The following BNC2 variants were observed in gnomAD, a reference collection of about 807,000 sequenced individuals.
BNC2 encodes basonuclin zinc finger protein 2.
In BNC2, 20 loss-of-function variants were observed where a neutral mutation model predicts 76.3. The observed-to-expected ratio is 0.26, with a 90% CI of 0.18 to 0.38. The LOEUF is 0.38. Among genes scored for constraint, BNC2 ranks in the 10% least tolerant of loss-of-function variants. BNC2 has a pLI of 1.00. For synonymous variants in BNC2, 582 were observed against 514.8 expected, an observed-to-expected ratio of 1.13 and a Z score of -1.77; for missense variants, 1,382 against 1,399.8, an observed-to-expected ratio of 0.99 and a Z score of 0.20.
At position 16,734,679 on chromosome 9, in the gene BNC2, A is replaced by G. The variant is rs1020649682; in HGVS notation, c.129+3681T>C. Among the ~76,000 whole-genome samples, 130 of 152,348 alleles carry G rather than the reference A, an allele frequency of 8.5e-4. 2 individuals carry two copies. Among genetic ancestry groups the G allele is most frequent in the African/African-American group, 3.0e-3 (126 of 41,588 alleles). ...TTTTTGCCAAAGTATTGTGAGTACT[A>G]TATGGTCCAGTGTTTACACATAAGA... On this transcript the variant is annotated intron_variant, in intron 2 of 6. Transcript: ENST00000380672.
chr9:16,702,891 A>C (rs1052885614), intron 3 of BNC2, among the ~76,000 whole-genome samples: 9 of 152,264 alleles, frequency 5.9e-5, no homozygotes, highest in Non-Finnish European at 1.2e-4. Context: ...GCTAACATGT[A>C]GCAGCATTAG....
Position 16,792,430 on chromosome 9 carries a change from T to C in BNC2, c.4-53945A>G, listed in dbSNP as rs1002185804. Among the ~76,000 whole-genome samples, 4 of 152,164 alleles carry C rather than the reference T, an allele frequency of 2.6e-5. No individual in the cohort carries two copies. The South Asian group carries it at 8.3e-4, about 32-fold the overall frequency. On this transcript the variant is annotated intron_variant, in intron 1 of 6. Coordinates refer to ENST00000380672, the MANE Select transcript of BNC2 (RefSeq NM_017637.6). ...ACAGTCATTGAGAAGGGTATAATATTGACTCCTAGAAGCCAGGCAAACCTG... is the reference window on the plus strand; with the variant it reads ...ACAGTCATTGAGAAGGGTATAATATCGACTCCTAGAAGCCAGGCAAACCTG...
At chr9:16,630,888 C>A (rs984749243) in intron 3 of BNC2, among the ~76,000 whole-genome samples, 1 of 151,852 alleles carries the variant, frequency 6.6e-6, no homozygotes, top group Non-Finnish European at 1.5e-5. Context: ...TACAGGCATG[C>A]GCCACCACGC....
At chr9:16,546,487 G>A (rs1221174977) in intron 5 of BNC2, among the ~76,000 whole-genome samples, 1 of 152,082 alleles carries the variant, frequency 6.6e-6, no homozygotes, top group Non-Finnish European at 1.5e-5. Flanking sequence ...TTGTTTTTAT[G>A]CTCAACTACA....
chr9:16,429,397 A>G lies in BNC2; in HGVS notation c.2639+6158T>C, dbSNP rs923247691. 1.6e-4 allele frequency: 25 copies of G among 152,704 alleles called. 1 individual carries two copies. Among genetic ancestry groups the G allele is most frequent in the African/African-American group, 4.6e-4 (19 of 41,464 alleles). The allele number at this position is 152,704 out of a possible 1,614,324, so 9.5% of individuals were successfully genotyped here. ...GTTTTTTAAAAAGAAAAGATGGGCT[A>G]CAAAAATGAGCATCTCAAATAAATG... On this transcript the variant is annotated intron_variant, in intron 6 of 6. Coordinates refer to ENST00000380672, the MANE Select transcript of BNC2 (RefSeq NM_017637.6).
intron 5 of BNC2, among the ~76,000 whole-genome samples, chr9:16,459,741 T>C (rs959876616): frequency 6.6e-6 from 1 of 152,116 alleles, no homozygotes; most frequent in Non-Finnish European, 1.5e-5. Flanking sequence ...TCCCAATTAA[T>C]CACAAGTTAG....
chr9:16,643,971 G>A (rs1821557876), intron 3 of BNC2, among the ~76,000 whole-genome samples: 1 of 152,118 alleles, frequency 6.6e-6, no homozygotes, highest in Admixed American at 6.5e-5. Context: ...GGTGTGGAAT[G>A]GGGTAGGGCT....
At chr9:16,461,163 A>G (rs1386969958) in intron 5 of BNC2, among the ~76,000 whole-genome samples, 1 of 152,192 alleles carries the variant, frequency 6.6e-6, no homozygotes, top group Non-Finnish European at 1.5e-5. Flanking sequence ...AACAGAATAA[A>G]TTTTCGGAAC....
intron 3 of BNC2, among the ~76,000 whole-genome samples, chr9:16,708,636 A>G (rs1009910383): frequency 2.0e-5 from 3 of 152,150 alleles, no homozygotes; most frequent in Non-Finnish European, 4.4e-5. Context: ...AGCAAGCCAC[A>G]GGAAGGGCGG....
chr9:16,586,154 T>C (rs1375713082), intron 3 of BNC2, among the ~76,000 whole-genome samples: 1 of 152,020 alleles, frequency 6.6e-6, no homozygotes, highest in Non-Finnish European at 1.5e-5. Flanking sequence ...CACATACAGC[T>C]TGGTCTTGTT....
chr9:16,522,971 C>G (rs1002008992), intron 5 of BNC2, among the ~76,000 whole-genome samples: 1 of 152,140 alleles, frequency 6.6e-6, no homozygotes, highest in Non-Finnish European at 1.5e-5. Context: ...AAGCTGGATG[C>G]TCCAAGAGTT....
At chr9:16,687,849 T>C (rs1381676627) in intron 3 of BNC2, among the ~76,000 whole-genome samples, 1 of 152,148 alleles carries the variant, frequency 6.6e-6, no homozygotes, top group Non-Finnish European at 1.5e-5. Context: ...TAAAATTACA[T>C]GCAATTACAA....
At chr9:16,675,133 A>C (rs955304754) in intron 3 of BNC2, among the ~76,000 whole-genome samples, 1 of 152,214 alleles carries the variant, frequency 6.6e-6, no homozygotes, top group African/African-American at 2.4e-5. Context: ...ACAATGCCTA[A>C]AAATGTAGCC....
At chr9:16,807,346 A>T (rs1158223860) in intron 1 of BNC2, among the ~76,000 whole-genome samples, 1 of 152,260 alleles carries the variant, frequency 6.6e-6, no homozygotes, top group Admixed American at 6.5e-5. Context: ...TTTATAGGAC[A>T]GAAACTATCA....
intron 3 of BNC2, among the ~76,000 whole-genome samples, chr9:16,722,921 T>A (rs1824201789): frequency 6.6e-6 from 1 of 152,308 alleles, no homozygotes; most frequent in Admixed American, 6.5e-5. Flanking sequence ...ACAATTTGTA[T>A]CTTAACAAAT....
At chr9:16,540,903 G>A (rs955262303) in intron 5 of BNC2, among the ~76,000 whole-genome samples, 1 of 152,136 alleles carries the variant, frequency 6.6e-6, no homozygotes, top group African/African-American at 2.4e-5. Context: ...ACTAAATCAG[G>A]TGATGCTACA....
chr9:16,840,509 A>G (rs901349306), intron 1 of BNC2, among the ~76,000 whole-genome samples: 3 of 152,250 alleles, frequency 2.0e-5, no homozygotes, highest in Middle Eastern at 3.4e-3. Flanking sequence ...CCCTATCACA[A>G]GTGTTTTTCC....
chr9:16,745,368 A>G (rs1201522907), intron 1 of BNC2, among the ~76,000 whole-genome samples: 2 of 152,198 alleles, frequency 1.3e-5, no homozygotes, highest in African/African-American at 4.8e-5. Flanking sequence ...GAAATTTTAA[A>G]TTAAAATATG....
intron 3 of BNC2, among the ~76,000 whole-genome samples, chr9:16,639,062 T>C (rs1821410100): frequency 6.6e-6 from 1 of 152,192 alleles, no homozygotes; most frequent in Non-Finnish European, 1.5e-5. Flanking sequence ...AAGGATGTCA[T>C]GTGTAATAGG....
Sources: gnomAD v4.1 joint callset for allele counts (sites outside exome capture counted in the v4.1 genomes callset) on GRCh38, gnomAD v4.1.1 for gene constraint, MANE v1.5 for transcripts, NCBI Gene and HGNC (gene_info 2026-07-23, HGNC 2026-07-21) for gene names.